The following EYS variants were observed in gnomAD, a reference collection of about 807,000 sequenced individuals.
The protein encoded by EYS is EGF-like photoreceptor maintenance factor.
EYS carries 250 observed loss-of-function variants against 282.1 expected under a neutral mutation model. That is an observed-to-expected ratio of 0.89 (90% CI 0.80 to 0.98). The LOEUF is 0.98. Among genes scored for constraint, EYS ranks in the 50% least tolerant of loss-of-function variants. EYS has a pLI of 0.00. For synonymous variants in EYS, 1,355 were observed against 1,282.9 expected, an observed-to-expected ratio of 1.06 and a Z score of -1.20; for missense variants, 4,016 against 3,709.0, an observed-to-expected ratio of 1.08 and a Z score of -2.15.
chr6:65,460,272 A>G (rs1231903589), intron 5 of EYS, among the ~76,000 whole-genome samples: 1 of 151,422 alleles, frequency 6.6e-6, no homozygotes. Context: ...AAAGTAAGAA[A>G]TAGGCAAAAA....
At chr6:64,091,694 T>G (rs1366490672) in intron 31 of EYS, among the ~76,000 whole-genome samples, 3 of 152,150 alleles carry the variant, frequency 2.0e-5, no homozygotes, top group African/African-American at 7.2e-5. Context: ...TGAAACTAGG[T>G]GCCAATTAAT....
intron 22 of EYS, among the ~76,000 whole-genome samples, chr6:64,665,051 T>C (rs1368416558): frequency 6.6e-6 from 1 of 152,222 alleles, no homozygotes; most frequent in Non-Finnish European, 1.5e-5. Context: ...TCTTTGTAAA[T>C]ATACATATGT....
At chr6:64,013,442 G>GT (rs1227209182) in intron 33 of EYS, among the ~76,000 whole-genome samples, 1 of 151,818 alleles carries the variant, frequency 6.6e-6, no homozygotes, top group African/African-American at 2.4e-5. Flanking sequence ...AAAGCTTCCT[G>GT]TTTTTTTTGA....
At chr6:65,325,618 T>A (rs890634076) in intron 11 of EYS, among the ~76,000 whole-genome samples, 1 of 152,058 alleles carries the variant, frequency 6.6e-6, no homozygotes, top group Non-Finnish European at 1.5e-5. Context: ...AGTGATTGGA[T>A]GTGTCAGGGA....
chr6:64,338,489 A>G (rs1255315422), intron 29 of EYS, among the ~76,000 whole-genome samples: 2 of 152,066 alleles, frequency 1.3e-5, no homozygotes, highest in East Asian at 3.9e-4. Flanking sequence ...GACAACACAA[A>G]CAAATGGAAA....
intron 35 of EYS, among the ~76,000 whole-genome samples, chr6:63,913,990 A>G (rs1764349740): frequency 6.6e-6 from 1 of 152,120 alleles, no homozygotes; most frequent in Non-Finnish European, 1.5e-5. Context: ...ATTTTATGGT[A>G]GTCTGTGATT....
At chr6:63,930,516 G>T (rs1406982506) in intron 35 of EYS, among the ~76,000 whole-genome samples, 1 of 151,850 alleles carries the variant, frequency 6.6e-6, no homozygotes, top group Non-Finnish European at 1.5e-5. Flanking sequence ...CATACTGAAG[G>T]GGTCTTCATA....
intron 1 of EYS, among the ~76,000 whole-genome samples, chr6:65,698,444 T>C (rs757590095): frequency 2.0e-5 from 3 of 152,156 alleles, no homozygotes; most frequent in Non-Finnish European, 4.4e-5. Context: ...ATATCAATAA[T>C]ATAAGACTTT....
chr6:64,780,632 G>A (rs1226714739), intron 22 of EYS, among the ~76,000 whole-genome samples: 5 of 152,138 alleles, frequency 3.3e-5, no homozygotes, highest in African/African-American at 9.6e-5. Flanking sequence ...ATATATCCAC[G>A]TAACAAACTT....
intron 12 of EYS, among the ~76,000 whole-genome samples, chr6:65,110,059 C>T (rs1453211278): frequency 6.6e-6 from 1 of 152,068 alleles, no homozygotes; most frequent in African/African-American, 2.4e-5. Flanking sequence ...TGGCATTTTT[C>T]CTAATTTTTA....
chr6:64,406,258 T>C (rs912171756), intron 28 of EYS, among the ~76,000 whole-genome samples: 2 of 152,176 alleles, frequency 1.3e-5, no homozygotes, highest in Admixed American at 1.3e-4. Context: ...AGGCTAGCCA[T>C]ATGCAGAAAG....
At chr6:65,014,534 C>A (rs1771981871) in intron 13 of EYS, among the ~76,000 whole-genome samples, 1 of 151,938 alleles carries the variant, frequency 6.6e-6, no homozygotes, top group South Asian at 2.1e-4. Context: ...CGAGGTTAGG[C>A]ATGTGGGATA....
intron 23 of EYS, among the ~76,000 whole-genome samples, chr6:64,620,771 T>C (rs1367680863): frequency 1.3e-5 from 2 of 152,206 alleles, no homozygotes; most frequent in Non-Finnish European, 2.9e-5. Flanking sequence ...TTATGTTCAT[T>C]CTTAATAAGG....
chr6:65,114,698 T>C lies in EYS; in HGVS notation c.2024-56971A>G, dbSNP rs191091529. Among the ~76,000 whole-genome samples the C allele has an allele frequency of 1.6e-4, 25 of 152,046 alleles. No individual in the cohort carries two copies. The East Asian group carries it at 2.3e-3, about 14-fold the overall frequency. On this transcript the variant is annotated intron_variant, in intron 12 of 42. Transcript: ENST00000503581. The stretch of plus-strand genomic sequence containing the variant: ...TCTCTGCTTTGAAGTTATTTATCCC[T>C]CTTTGATGACAGTTCTCTACACTCC...
intron 41 of EYS, among the ~76,000 whole-genome samples, chr6:63,756,608 A>C (rs1026044074): frequency 4.6e-5 from 7 of 152,104 alleles, no homozygotes; most frequent in Non-Finnish European, 8.8e-5. Flanking sequence ...TGTCTCTGCC[A>C]GGCTTTGGTA....
chr6:64,099,529 A>G (rs1772752696), intron 31 of EYS, among the ~76,000 whole-genome samples: 1 of 152,166 alleles, frequency 6.6e-6, no homozygotes, highest in Non-Finnish European at 1.5e-5. Flanking sequence ...TCTATGAGGA[A>G]CTTGTTTGCC....
chr6:64,225,779 A>C (rs1306551166), intron 31 of EYS, among the ~76,000 whole-genome samples: 2 of 152,088 alleles, frequency 1.3e-5, no homozygotes, highest in Non-Finnish European at 2.9e-5. Flanking sequence ...GTTCATAGTG[A>C]AGAGCAGAGC....
At chr6:64,373,492 C>T (rs1043597156) in intron 29 of EYS, among the ~76,000 whole-genome samples, 12 of 152,122 alleles carry the variant, frequency 7.9e-5, no homozygotes, top group Admixed American at 7.9e-4. Context: ...TGCCTGCATG[C>T]AGAGTTTAGG....
chr6:64,939,019 T>G (rs1204347041), intron 15 of EYS, among the ~76,000 whole-genome samples: 1 of 151,746 alleles, frequency 6.6e-6, no homozygotes, highest in African/African-American at 2.4e-5. Context: ...AATTATTATT[T>G]AGAAAGATAA....
Sources: gnomAD v4.1 joint callset for allele counts (sites outside exome capture counted in the v4.1 genomes callset) on GRCh38, gnomAD v4.1.1 for gene constraint, MANE v1.5 for transcripts, NCBI Gene and HGNC (gene_info 2026-07-23, HGNC 2026-07-21) for gene names.